The following ASNS variants were observed in gnomAD, a reference collection of about 807,000 sequenced individuals.
ASNS encodes the protein asparagine synthetase (glutamine-hydrolyzing).
ASNS carries 37 observed loss-of-function variants against 62.6 expected under a neutral mutation model. That is an observed-to-expected ratio of 0.59 (90% CI 0.45 to 0.78). ASNS has a LOEUF of 0.78. Ranked by LOEUF, ASNS falls within the 30% of genes least tolerant of loss-of-function variation. ASNS has a pLI of 0.00. For missense variants in ASNS, 520 were observed against 682.4 expected (o/e 0.76, Z 2.65); for synonymous variants, 207 against 237.9 (o/e 0.87, Z 1.19).
intron 3 of ASNS, among the ~76,000 whole-genome samples, chr7:97,865,769 A>T (rs530316465): frequency 6.6e-6 from 1 of 152,354 alleles, no homozygotes; most frequent in South Asian, 2.1e-4. Flanking sequence ...GATAATGCAC[A>T]TAAGTCCCAT....
At chr7:97,871,699 G>C (rs1487020817) in intron 1 of ASNS, 1 of 152,094 alleles carries the variant, frequency 6.6e-6, no homozygotes, top group Non-Finnish European at 1.5e-5. Context: ...GTACTTGGTC[G>C]CCTGTGTCCC....
the ASNS span, among the ~76,000 whole-genome samples, chr7:97,894,836 A>G: frequency 6.6e-6 from 1 of 152,218 alleles, no homozygotes; most frequent in African/African-American, 2.4e-5. Context: ...ATTCCCAAAA[A>G]TTGAAGAGGA....
intron 9 of ASNS, 153 bp downstream of exon 9, chr7:97,855,200 A>G: frequency 1.8e-6 from 1 of 567,434 alleles, no homozygotes; most frequent in South Asian, 2.8e-5. Flanking sequence ...TTCTTCCCCA[A>G]GAGATAGAAA....
At chr7:97,887,489 A>T in the ASNS span, among the ~76,000 whole-genome samples, 1 of 151,270 alleles carries the variant, frequency 6.6e-6, no homozygotes, top group Non-Finnish European at 1.5e-5. Flanking sequence ...CCTAATGTTG[A>T]GTTTTGAATT....
At chr7:97,858,548 C>T (rs1291778958) in intron 6 of ASNS, 143 bp from the exon 7 acceptor site, 3 of 1,055,906 alleles carry the variant, frequency 2.8e-6, no homozygotes, top group Non-Finnish European at 4.0e-6. Flanking sequence ...AAATCAACTT[C>T]AACAAGAGAA....
chr7:97,917,247 A>C, the ASNS span, among the ~76,000 whole-genome samples: 4 of 150,402 alleles, frequency 2.7e-5, no homozygotes, highest in Non-Finnish European at 5.9e-5. Context: ...AAGGTTAATG[A>C]GAAATTCAGG....
At chr7:97,896,729 C>CATATAT in the ASNS span, among the ~76,000 whole-genome samples, 1 of 29,916 alleles carries the variant, frequency 3.3e-5, no homozygotes, top group African/African-American at 9.0e-5. Flanking sequence ...CACACACACA[C>CATATAT]ACACACACAC....
chr7:97,904,463 G>T, the ASNS span, among the ~76,000 whole-genome samples: 1 of 152,090 alleles, frequency 6.6e-6, no homozygotes, highest in Non-Finnish European at 1.5e-5. Context: ...GGGGTGCTCT[G>T]TTTCCCATCA....
upstream of ASNS, among the ~76,000 whole-genome samples, chr7:97,874,716 A>G: frequency 7.0e-6 from 1 of 143,520 alleles, no homozygotes; most frequent in South Asian, 2.2e-4. Context: ...GAGTTGCTCA[A>G]TAAATACATC....
At chr7:97,880,974 T>A in the ASNS span, among the ~76,000 whole-genome samples, 1 of 151,920 alleles carries the variant, frequency 6.6e-6, no homozygotes, top group Non-Finnish European at 1.5e-5. Flanking sequence ...GGAATCTTGT[T>A]CTGTCACCCA....
At chr7:97,921,010 G>A in the ASNS span, among the ~76,000 whole-genome samples, 1 of 152,176 alleles carries the variant, frequency 6.6e-6, no homozygotes, top group Non-Finnish European at 1.5e-5. Context: ...TTAGGAAAAT[G>A]TTAGAACAGG....
chr7:97,852,949 ATCAT>A (rs1791254411), intron 12 of ASNS, 107 bp downstream of exon 12: 10 of 1,034,830 alleles, frequency 9.7e-6, no homozygotes, highest in Non-Finnish European at 1.1e-5. Flanking sequence ...AAATACATGT[ATCAT>A]TCAAACTAAA....
At chr7:97,862,263 TATAATA>T (rs1030805862) in intron 4 of ASNS, among the ~76,000 whole-genome samples, 2 of 151,484 alleles carry the variant, frequency 1.3e-5, no homozygotes, top group South Asian at 2.1e-4. Context: ...GAACTTAAAG[TATAATA>T]ATAATAATAA....
rs2115659757 is a variant in ASNS, at chr7:97,859,290, A to G, written c.596T>C (p.Val199Ala). ...ACAGTGATGATATTTAACCATTTCC[A>G]CGGATGCAACTTTGCCATTTGGCTT... The part of the protein sequence containing the change: ...DLKPNGKVAS[V>A]EMVKYHHCRD... The change falls in exon 5 of 13, where the codon GTG (valine) becomes GCG (alanine). Residue 199 changes from valine to alanine, a missense_variant. Transcript: ENST00000394308. The G allele has an allele frequency of 6.2e-7, 1 of 1,614,154 alleles. No individual in the cohort carries two copies. The highest frequency in any genetic ancestry group is 2.2e-5 in the East Asian group (1 of 44,872).
chr7:97,876,378 A>T (rs904827520), upstream of ASNS, among the ~76,000 whole-genome samples: 1 of 151,676 alleles, frequency 6.6e-6, no homozygotes, highest in African/African-American at 2.4e-5. Flanking sequence ...TAATCATAAT[A>T]GCTATTGGTG....
the ASNS span, among the ~76,000 whole-genome samples, chr7:97,882,548 A>T: frequency 1.6e-5 from 2 of 123,640 alleles, no homozygotes; most frequent in South Asian, 5.7e-4. Context: ...TTAAATAAAT[A>T]AATAAATAAA....
intron 6 of ASNS, 152 bp from the exon 7 acceptor site, chr7:97,858,557 A>G: frequency 1.0e-6 from 1 of 989,310 alleles, no homozygotes; most frequent in South Asian, 1.7e-5. Flanking sequence ...TCAACAAGAG[A>G]AAAATATATA....
At chr7:97,917,997 T>G in the ASNS span, among the ~76,000 whole-genome samples, 1 of 152,236 alleles carries the variant, frequency 6.6e-6, no homozygotes, top group Admixed American at 6.5e-5. Context: ...GCCTCGAGAT[T>G]TGCAGTAACA....
At chr7:97,885,263 C>A in the ASNS span, among the ~76,000 whole-genome samples, 2,007 of 134,522 alleles carry the variant, frequency 0.015, no homozygotes, top group African/African-American at 0.046. Context: ...ATTGCATAGT[C>A]AAACCATGTT....
Sources: allele counts gnomAD v4.1 joint callset (sites outside exome capture counted in the v4.1 genomes callset), GRCh38; gene constraint gnomAD v4.1.1; transcripts MANE v1.5; gene names NCBI Gene and HGNC (gene_info 2026-07-23, HGNC 2026-07-21).